RAB1A: variants seen among roughly 807,000 people sequenced by gnomAD.
The protein encoded by RAB1A is ras-related protein Rab-1A.
In RAB1A, 2 loss-of-function variants were observed where a neutral mutation model predicts 26.0. The ratio of observed to expected loss-of-function variants is 0.08; its 90% CI spans 0.03 to 0.24. The LOEUF (loss-of-function observed/expected upper bound fraction) is 0.24. RAB1A is among the 10% of genes least tolerant of loss of function. The pLI is 1.00. For missense variants in RAB1A, 100 were observed against 247.0 expected, an observed-to-expected ratio of 0.40 and a Z score of 3.99; for synonymous variants, 84 against 84.9, an observed-to-expected ratio of 0.99 and a Z score of 0.06.
At chr2:65,122,594 A>G (rs994772392) in intron 1 of RAB1A, among the ~76,000 whole-genome samples, 3 of 151,952 alleles carry the variant, frequency 2.0e-5, no homozygotes, top group Non-Finnish European at 4.4e-5. Flanking sequence ...TGATTAGCAA[A>G]TTTTTTTTAA....
intron 1 of RAB1A, among the ~76,000 whole-genome samples, chr2:65,120,697 G>C (rs1477490150): frequency 6.6e-6 from 1 of 152,084 alleles, no homozygotes; most frequent in African/African-American, 2.4e-5. Context: ...GGGAGCAGAT[G>C]CATCAAATGT....
intron 2 of RAB1A, among the ~76,000 whole-genome samples, chr2:65,100,121 G>T (rs887351836): frequency 6.6e-6 from 1 of 152,144 alleles, no homozygotes; most frequent in Non-Finnish European, 1.5e-5. Flanking sequence ...AGAAATATGG[G>T]CCGGGCATGA....
intron 2 of RAB1A, 26 bp downstream of exon 2, chr2:65,104,708 G>A (rs1287817355): frequency 1.3e-6 from 2 of 1,482,774 alleles, no homozygotes; most frequent in East Asian, 2.4e-5. Context: ...ACCATTAATT[G>A]TAAAGACATT....
intron 1 of RAB1A, among the ~76,000 whole-genome samples, chr2:65,125,214 T>TA (rs1302914754): frequency 6.6e-6 from 1 of 152,134 alleles, no homozygotes; most frequent in Non-Finnish European, 1.5e-5. Context: ...ATTAAAGAAT[T>TA]ATAGTTGATC....
chr2:65,130,011 A>G lies in RAB1A; in HGVS notation c.-96T>C. ...CGGGTAATCGAAAGAAAGGAATGAG[A>G]TAGGCTGTTCCGGGAGAGCAAACGT... On this transcript the variant is annotated 5_prime_UTR_variant, in exon 1 of 6. Coordinates refer to ENST00000409784, the MANE Select transcript of RAB1A (RefSeq NM_004161.5). The G allele has an allele frequency of 2.2e-6, 3 of 1,375,088 alleles. No individual in the cohort carries two copies. The highest frequency in any genetic ancestry group is 3.0e-6 in the Non-Finnish European group (3 of 988,640). 85.2% of individuals were successfully genotyped at this position (1,375,088 alleles called of 1,614,324 possible).
At position 65,090,969 on chromosome 2, in the gene RAB1A, C is replaced by T. The variant is rs184658526; in HGVS notation, c.288+14G>A. 2 of 1,574,864 alleles carry T rather than the reference C, an allele frequency of 1.3e-6. No individual in the cohort carries two copies. The highest frequency in any genetic ancestry group is 1.7e-5 in the Admixed American group (1 of 58,720). On this transcript the variant is annotated intron_variant, in intron 4 of 5. Transcript: ENST00000409784. ...TACTTGGTCACTGTAACACAATCTC[C>T]TCTTGGAACTTACCTGATCTGTCAC...
intron 1 of RAB1A, among the ~76,000 whole-genome samples, chr2:65,110,438 CA>C (rs1221473890): frequency 8.6e-4 from 95 of 110,066 alleles, no homozygotes; most frequent in Middle Eastern, 4.9e-3. Flanking sequence ...GAGACCGTCT[CA>C]AAAAAAAAAA....
At chr2:65,114,864 C>CA (rs35748219) in intron 1 of RAB1A, among the ~76,000 whole-genome samples, 15,536 of 146,772 alleles carry the variant, frequency 0.11, 1,073 homozygotes, top group Middle Eastern at 0.19. Context: ...AAAAAAAAAA[C>CA]AAAAAAAAAA....
intron 1 of RAB1A, among the ~76,000 whole-genome samples, chr2:65,128,742 G>T (rs953777786): frequency 6.6e-6 from 1 of 152,086 alleles, no homozygotes; most frequent in African/African-American, 2.4e-5. Context: ...AACAAATACT[G>T]ATGTTCCCCC....
Position 65,088,481 on chromosome 2 carries a change from T to C in RAB1A, c.*12A>G, listed in dbSNP as rs1669089676. ...CAAATTCATTGCTGTGAGAAAAGGA[T>C]GGAGGCAAATTTTAGCAGCAACCTC... is the stretch of plus-strand genomic sequence containing the variant. On this transcript the variant is annotated 3_prime_UTR_variant, in exon 6 of 6. Coordinates refer to ENST00000409784, the MANE Select transcript of RAB1A (RefSeq NM_004161.5). 1.9e-6 allele frequency: 3 copies of C among 1,588,746 alleles called. No individual in the cohort carries two copies. Among genetic ancestry groups the C allele is most frequent in the South Asian group, 1.2e-5 (1 of 86,554 alleles).
chr2:65,118,238 C>T (rs961718084), intron 1 of RAB1A, among the ~76,000 whole-genome samples: 2 of 152,184 alleles, frequency 1.3e-5, no homozygotes, highest in Non-Finnish European at 2.9e-5. Flanking sequence ...AAATTATAGG[C>T]CCCTTCCCCA....
At chr2:65,106,306 C>T in intron 1 of RAB1A, 1 of 270,402 alleles carries the variant, frequency 3.7e-6, no homozygotes, top group Non-Finnish European at 7.4e-6. Context: ...TGTATTTTGT[C>T]CTTTTTGATT....
chr2:65,118,926 T>C (rs938055854), intron 1 of RAB1A, among the ~76,000 whole-genome samples: 2 of 152,134 alleles, frequency 1.3e-5, no homozygotes, highest in East Asian at 1.9e-4. Context: ...CAGTGGCTCA[T>C]GCCTGTAATC....
chr2:65,098,853 T>TTTTTTTTA (rs1669351845), intron 2 of RAB1A, among the ~76,000 whole-genome samples: 2 of 149,868 alleles, frequency 1.3e-5, no homozygotes, highest in Admixed American at 6.7e-5. Flanking sequence ...TTTTTTTTTT[T>TTTTTTTTA]GAGGCAGGAT....
At chr2:65,101,181 T>C (rs1487310504) in intron 2 of RAB1A, among the ~76,000 whole-genome samples, 1 of 151,900 alleles carries the variant, frequency 6.6e-6, no homozygotes, top group Non-Finnish European at 1.5e-5. Flanking sequence ...TGCTGAATTC[T>C]TGTAAATCTC....
intron 1 of RAB1A, among the ~76,000 whole-genome samples, chr2:65,110,530 C>G (rs1442095553): frequency 1.3e-5 from 2 of 151,472 alleles, no homozygotes; most frequent in African/African-American, 4.9e-5. Context: ...AATAAATACT[C>G]ATGAATTCAT....
In RAB1A at chr2:65,088,697, G is replaced by C; in HGVS notation, c.421-7C>G. On this transcript the variant is annotated splice_region_variant and splice_polypyrimidine_tract_variant and intron_variant, in intron 5 of 5. Transcript: ENST00000409784. ...CAAGGGAATCAGCAAATTCCTAAGA[G>C]AATAATGAGGCACAATTAACACTGA... The C allele has an allele frequency of 1.3e-6, 2 of 1,592,558 alleles. No homozygotes were observed. Among genetic ancestry groups the C allele is most frequent in the South Asian group, 1.1e-5 (1 of 88,332 alleles).
intron 2 of RAB1A, among the ~76,000 whole-genome samples, chr2:65,103,575 T>C (rs1669485817): frequency 6.6e-6 from 1 of 152,044 alleles, no homozygotes; most frequent in African/African-American, 2.4e-5. Flanking sequence ...CCAGAGCCAA[T>C]GTCATCACTG....
intron 1 of RAB1A, among the ~76,000 whole-genome samples, chr2:65,127,378 T>C (rs1033708752): frequency 3.3e-5 from 5 of 152,208 alleles, no homozygotes; most frequent in African/African-American, 9.6e-5. Context: ...TGAAATCTTG[T>C]TGCTCTCATC....
Sources: gnomAD v4.1 joint callset for allele counts (sites outside exome capture counted in the v4.1 genomes callset) on GRCh38, gnomAD v4.1.1 for gene constraint, MANE v1.5 for transcripts, NCBI Gene and HGNC (gene_info 2026-07-23, HGNC 2026-07-21) for gene names.